FHIT: variants seen among roughly 807,000 people sequenced by gnomAD.
FHIT encodes fragile histidine triad diadenosine triphosphatase.
In FHIT, 19 loss-of-function variants were observed where a neutral mutation model predicts 17.9. The observed-to-expected ratio is 1.06, with a 90% CI of 0.74 to 1.56. The LOEUF is 1.56. Among genes scored for constraint, FHIT ranks in the 40% most tolerant of loss-of-function variants. The pLI, the probability that FHIT is intolerant of heterozygous loss-of-function variation, is 0.00. For missense variants in FHIT, 248 were observed against 189.2 expected, an observed-to-expected ratio of 1.31 and a Z score of -1.82; for synonymous variants, 81 against 69.7, an observed-to-expected ratio of 1.16 and a Z score of -0.81.
chr3:60,866,593 T>C (rs900227904), intron 3 of FHIT, among the ~76,000 whole-genome samples: 3 of 152,196 alleles, frequency 2.0e-5, no homozygotes, highest in Non-Finnish European at 4.4e-5. Context: ...CTGTCCCAAA[T>C]TCCTAACTCA....
At chr3:60,982,167 C>T (rs1238923171) in intron 3 of FHIT, among the ~76,000 whole-genome samples, 2 of 152,214 alleles carry the variant, frequency 1.3e-5, no homozygotes, top group Non-Finnish European at 2.9e-5. Context: ...AGTGCTTTCC[C>T]TGCTACACTC....
intron 2 of FHIT, among the ~76,000 whole-genome samples, chr3:61,174,524 C>T (rs1026176885): frequency 2.6e-5 from 4 of 152,142 alleles, no homozygotes; most frequent in East Asian, 1.9e-4. Context: ...TTACTCTGGG[C>T]GGGGGGGACC....
chr3:60,315,064 A>G (rs1709105489), intron 5 of FHIT, among the ~76,000 whole-genome samples: 1 of 152,154 alleles, frequency 6.6e-6, no homozygotes, highest in Admixed American at 6.6e-5. Flanking sequence ...TGAGGCTACC[A>G]TATTATGAGG....
intron 3 of FHIT, among the ~76,000 whole-genome samples, chr3:60,869,523 T>A (rs1244844677): frequency 2.0e-5 from 3 of 152,182 alleles, no homozygotes; most frequent in Admixed American, 2.0e-4. Flanking sequence ...ATGCAAGGAA[T>A]GACTGCATAT....
intron 3 of FHIT, among the ~76,000 whole-genome samples, chr3:60,986,317 C>T (rs561298924): frequency 2.6e-4 from 40 of 152,110 alleles, no homozygotes; most frequent in Non-Finnish European, 4.4e-4. Context: ...AGTCTGTCTG[C>T]CTCCCACTAG....
intron 5 of FHIT, among the ~76,000 whole-genome samples, chr3:60,135,618 G>T (rs1473898128): frequency 6.6e-6 from 1 of 152,098 alleles, no homozygotes; most frequent in African/African-American, 2.4e-5. Context: ...TATTTGTACT[G>T]AGAAAGGAAA....
At chr3:59,878,267 A>G (rs1166913769) in intron 8 of FHIT, among the ~76,000 whole-genome samples, 2 of 152,130 alleles carry the variant, frequency 1.3e-5, no homozygotes, top group African/African-American at 4.8e-5. Context: ...TTAAAAACCA[A>G]CTACACTTTG....
intron 8 of FHIT, among the ~76,000 whole-genome samples, chr3:59,758,442 G>C (rs571708327): frequency 6.6e-6 from 1 of 152,134 alleles, no homozygotes; most frequent in Non-Finnish European, 1.5e-5. Context: ...CGCACAACAG[G>C]GGTCTAAAAG....
intron 3 of FHIT, among the ~76,000 whole-genome samples, chr3:60,944,620 G>C (rs1708563784): frequency 6.6e-6 from 1 of 152,174 alleles, no homozygotes. Context: ...CAGAGTAATG[G>C]TCTATTTTAA....
At chr3:61,026,801 T>C (rs1035505803) in intron 3 of FHIT, among the ~76,000 whole-genome samples, 1 of 152,180 alleles carries the variant, frequency 6.6e-6, no homozygotes, top group Non-Finnish European at 1.5e-5. Flanking sequence ...GTAATTTAAT[T>C]TTTAAACTGA....
At chr3:59,860,819 C>T (rs1702372098) in intron 8 of FHIT, among the ~76,000 whole-genome samples, 2 of 152,122 alleles carry the variant, frequency 1.3e-5, no homozygotes, top group Admixed American at 1.3e-4. Flanking sequence ...TTTACATTCC[C>T]CAAGCTCCTT....
At chr3:60,514,174 G>A (rs1013886565) in intron 5 of FHIT, among the ~76,000 whole-genome samples, 1 of 152,222 alleles carries the variant, frequency 6.6e-6, no homozygotes, top group South Asian at 2.1e-4. Flanking sequence ...GAATTCAGGA[G>A]GCACTGGGTG....
chr3:60,212,581 A>T (rs1703504602), intron 5 of FHIT, among the ~76,000 whole-genome samples: 1 of 152,186 alleles, frequency 6.6e-6, no homozygotes, highest in African/African-American at 2.4e-5. Flanking sequence ...GTAAACAGAA[A>T]TATCTCTGAA....
At chr3:59,862,096 C>T (rs139403991) in intron 8 of FHIT, among the ~76,000 whole-genome samples, 13 of 152,134 alleles carry the variant, frequency 8.5e-5, no homozygotes, top group African/African-American at 3.1e-4. Flanking sequence ...CATTTTTACA[C>T]TGCTATGAAG....
At chr3:60,697,235 T>C (rs782408862) in intron 4 of FHIT, among the ~76,000 whole-genome samples, 2 of 152,034 alleles carry the variant, frequency 1.3e-5, no homozygotes, top group African/African-American at 4.8e-5. Context: ...TGAAGGAAAA[T>C]GGATATGTCA....
chr3:60,299,418 A>G lies in FHIT; in HGVS notation c.103+237442T>C, dbSNP rs192482086. On this transcript the variant is annotated intron_variant, in intron 5 of 9. Coordinates refer to ENST00000492590, the MANE Select transcript of FHIT (RefSeq NM_002012.4). ...TTCAAAAATTAAAAAATAAATGAATATTCTTCCTTCATCTGAGAGTGTCTT... is the reference window on the plus strand; with the variant it reads ...TTCAAAAATTAAAAAATAAATGAATGTTCTTCCTTCATCTGAGAGTGTCTT... 1.1e-4 allele frequency among the ~76,000 whole-genome samples: 16 copies of G among 152,268 alleles called. No homozygotes were observed. In the East Asian group the frequency reaches 3.1e-3, roughly 29 times the overall value.
At position 60,652,909 on chromosome 3, in the gene FHIT, C is replaced by CAAACAAAACAAAACA. The variant is rs57749384; in HGVS notation, c.-17-115945_-17-115931dup. Among the ~76,000 whole-genome samples, 32 of 139,260 alleles carry CAAACAAAACAAAACA rather than the reference C, an allele frequency of 2.3e-4. No homozygotes were observed. In the East Asian group the frequency reaches 2.6e-3, roughly 11 times the overall value. 91.4% of individuals were successfully genotyped at this position (139,260 alleles called of 152,430 possible). A position where few individuals can be genotyped will look rare whatever the true frequency, so the allele number is the denominator to read the frequency against. Reference sequence around the variant, plus strand: ...TGGGCAACAGAGTGAAAGTTCATCTCAAACAAAACAAAACAAAACAAAACA... The same window carrying CAAACAAAACAAAACA: ...TGGGCAACAGAGTGAAAGTTCATCTCAAACAAAACAAAACAAAACAAAACAAAACAAAACAAAACA... On this transcript the variant is annotated intron_variant, in intron 4 of 9. Transcript: ENST00000492590.
intron 4 of FHIT, among the ~76,000 whole-genome samples, chr3:60,543,404 A>C (rs975088186): frequency 6.6e-6 from 1 of 152,314 alleles, no homozygotes; most frequent in African/African-American, 2.4e-5. Context: ...GATTAGACTG[A>C]ATTTAAATTG....
chr3:60,758,744 A>AT (rs1699534798), intron 4 of FHIT, among the ~76,000 whole-genome samples: 1 of 152,212 alleles, frequency 6.6e-6, no homozygotes, highest in Non-Finnish European at 1.5e-5. Context: ...TATTTTATGA[A>AT]CTAGACATAG....
Sources: gnomAD v4.1 joint callset for allele counts (sites outside exome capture counted in the v4.1 genomes callset) on GRCh38, gnomAD v4.1.1 for gene constraint, MANE v1.5 for transcripts, NCBI Gene and HGNC (gene_info 2026-07-23, HGNC 2026-07-21) for gene names.